Variants in FAM193A observed in about 807,000 individuals in gnomAD.
FAM193A encodes the protein family with sequence similarity 193 member A.
In FAM193A, 22 loss-of-function variants were observed where a neutral mutation model predicts 126.5. The ratio of observed to expected loss-of-function variants is 0.17; its 90% CI spans 0.12 to 0.25. The LOEUF (loss-of-function observed/expected upper bound fraction) is 0.25, where lower values mean the gene tolerates loss of function less well. Among genes scored for constraint, FAM193A ranks in the 10% least tolerant of loss-of-function variants. The pLI is 1.00. For missense variants in FAM193A, 1,675 were observed against 1,672.8 expected (o/e 1.00, Z -0.02); for synonymous variants, 761 against 646.8 (o/e 1.18, Z -2.68).
intron 1 of FAM193A, among the ~76,000 whole-genome samples, chr4:2,582,994 G>GT (rs1052972360): frequency 6.6e-6 from 1 of 152,090 alleles, no homozygotes; most frequent in African/African-American, 2.4e-5. Context: ...TTGAGACGGA[G>GT]TTTTGCTCTT....
At chr4:2,662,461 C>T (rs1239763062) in intron 10 of FAM193A, among the ~76,000 whole-genome samples, 2 of 152,154 alleles carry the variant, frequency 1.3e-5, no homozygotes, top group Admixed American at 1.3e-4. Context: ...CATCGGTACC[C>T]CTTTAATTTT....
chr4:2,697,266 G>A (rs1039393139), intron 18 of FAM193A, among the ~76,000 whole-genome samples: 2 of 152,210 alleles, frequency 1.3e-5, no homozygotes, highest in African/African-American at 2.4e-5. Flanking sequence ...TCAGGTGGGA[G>A]GATCACTTGA....
At chr4:2,583,269 C>T (rs538708825) in intron 1 of FAM193A, among the ~76,000 whole-genome samples, 7 of 152,292 alleles carry the variant, frequency 4.6e-5, no homozygotes, top group East Asian at 3.9e-4. Flanking sequence ...CCACTGCGCC[C>T]GGCCAAGTCT....
intron 12 of FAM193A, among the ~76,000 whole-genome samples, chr4:2,667,444 G>A (rs1310443724): frequency 1.3e-5 from 2 of 152,130 alleles, no homozygotes. Flanking sequence ...TTAACTGTTG[G>A]ATTATTTCCT....
intron 6 of FAM193A, among the ~76,000 whole-genome samples, chr4:2,646,196 T>G (rs1323032586): frequency 4.6e-5 from 6 of 129,152 alleles, no homozygotes; most frequent in Non-Finnish European, 6.4e-5. Flanking sequence ...TTGAGACAGA[T>G]TCTCGCTCTG....
intron 2 of FAM193A, among the ~76,000 whole-genome samples, chr4:2,608,619 C>G (rs545650111): frequency 1.3e-5 from 2 of 152,132 alleles, no homozygotes; most frequent in South Asian, 4.1e-4. Flanking sequence ...TGGTGTGCCT[C>G]GGCACACTGT....
At chr4:2,609,814 A>G (rs1359812314) in intron 2 of FAM193A, among the ~76,000 whole-genome samples, 1 of 152,140 alleles carries the variant, frequency 6.6e-6, no homozygotes, top group Non-Finnish European at 1.5e-5. Context: ...CTGTAGTCCC[A>G]GCTACTCAGG....
At chr4:2,577,422 G>GTTTTTTTTTTTTTTTTTTTTTTTTTTTTT in intron 1 of FAM193A, among the ~76,000 whole-genome samples, 1 of 115,570 alleles carries the variant, frequency 8.7e-6, no homozygotes, top group African/African-American at 3.4e-5. Flanking sequence ...TTTTTTTTTT[G>GTTTTTTTTTTTTTTTTTTTTTTTTTTTTT]TTTTTTTTTT....
At chr4:2,644,447 A>G (rs957840167) in intron 6 of FAM193A, among the ~76,000 whole-genome samples, 3 of 152,158 alleles carry the variant, frequency 2.0e-5, no homozygotes, top group Admixed American at 1.3e-4. Context: ...CTGGCAGAGA[A>G]GAAGTGGGAG....
intron 13 of FAM193A, among the ~76,000 whole-genome samples, chr4:2,673,744 T>C (rs1195085110): frequency 6.6e-6 from 1 of 152,180 alleles, no homozygotes. Context: ...AAAGATAATA[T>C]TCTGTTAGAT....
intron 6 of FAM193A, among the ~76,000 whole-genome samples, chr4:2,645,402 C>T (rs1249664396): frequency 6.6e-6 from 1 of 152,204 alleles, no homozygotes; most frequent in Admixed American, 6.5e-5. Flanking sequence ...GTCTCCCAAT[C>T]GCCATCTTGC....
chr4:2,672,476 A>G (rs1713933195), intron 13 of FAM193A, 104 bp downstream of exon 13: 1 of 1,265,010 alleles, frequency 7.9e-7, no homozygotes, highest in South Asian at 1.4e-5. Flanking sequence ...TGCATAGGAT[A>G]GCATCTGCTC....
intron 19 of FAM193A, among the ~76,000 whole-genome samples, chr4:2,713,164 T>C (rs1014097192): frequency 6.6e-6 from 1 of 150,578 alleles, no homozygotes; most frequent in African/African-American, 2.4e-5. Context: ...CTCAGCACTT[T>C]GGGAGGCCGA....
rs570845835 is a variant in FAM193A, at chr4:2,625,452, C to T, written c.635+57C>T. 6.5e-5 allele frequency: 42 copies of T among 650,956 alleles called. No homozygotes were observed. In the South Asian group the frequency reaches 6.6e-4, roughly 10 times the overall value. The allele number at this position is 650,956 out of a possible 1,614,324, so 40.3% of individuals were successfully genotyped here. A position where few individuals can be genotyped will look rare whatever the true frequency, so the allele number is the denominator to read the frequency against. ...CTGTCCACAATGACATGCAGACCTG[C>T]ATATTGGAGCTGGACGGAGAAACTG... On this transcript the variant is annotated intron_variant, in intron 3 of 20. Transcript: ENST00000637812.
intron 2 of FAM193A, among the ~76,000 whole-genome samples, chr4:2,603,099 G>T (rs1027255845): frequency 2.0e-5 from 3 of 148,628 alleles, no homozygotes; most frequent in Non-Finnish European, 4.4e-5. Flanking sequence ...CTCCTGAGTA[G>T]CTGGGATTAC....
chr4:2,564,446 C>T (rs1420334325), intron 1 of FAM193A, among the ~76,000 whole-genome samples: 1 of 152,132 alleles, frequency 6.6e-6, no homozygotes, highest in Admixed American at 6.6e-5. Flanking sequence ...CCATGAATGA[C>T]TTCCATCACA....
chr4:2,561,787 G>A (rs151303451), intron 1 of FAM193A, among the ~76,000 whole-genome samples: 1 of 152,160 alleles, frequency 6.6e-6, no homozygotes, highest in African/African-American at 2.4e-5. Context: ...GTGAGCCACC[G>A]TACCCGGCTG....
chr4:2,605,392 A>C (rs780994588), intron 2 of FAM193A, among the ~76,000 whole-genome samples: 3 of 152,228 alleles, frequency 2.0e-5, no homozygotes, highest in Non-Finnish European at 2.9e-5. Context: ...ACAGAAATGT[A>C]ATCGTACTGT....
intron 2 of FAM193A, chr4:2,607,841 A>G: frequency 1.7e-6 from 1 of 597,646 alleles, no homozygotes; most frequent in Non-Finnish European, 2.9e-6. Context: ...TTCTTTATAT[A>G]CACTCAGTAG....
Sources: gnomAD v4.1 joint callset for allele counts (sites outside exome capture counted in the v4.1 genomes callset) on GRCh38, gnomAD v4.1.1 for gene constraint, MANE v1.5 for transcripts, NCBI Gene and HGNC (gene_info 2026-07-23, HGNC 2026-07-21) for gene names.